The following NIPA1 variants were observed in gnomAD, a reference collection of about 807,000 sequenced individuals.
The protein encoded by NIPA1 is magnesium transporter NIPA1.
NIPA1 carries 13 observed loss-of-function variants against 23.9 expected under a neutral mutation model. That is an observed-to-expected ratio of 0.54 (90% CI 0.35 to 0.87). The LOEUF (loss-of-function observed/expected upper bound fraction) is 0.87, where lower values mean the gene tolerates loss of function less well. NIPA1 is among the 40% of genes least tolerant of loss of function. The pLI is 0.01. For missense variants in NIPA1, 362 were observed against 429.7 expected (o/e 0.84, Z 1.39); for synonymous variants, 234 against 202.9 (o/e 1.15, Z -1.30).
chr15:22,811,123 C>A, intron 2 of NIPA1: 1 of 341,274 alleles, frequency 2.9e-6, no homozygotes, highest in Non-Finnish European at 5.5e-6. Flanking sequence ...CCTGCTTACT[C>A]ATGTAGTCGG....
chr15:22,791,959 C>G (rs776750516), intron 1 of NIPA1, among the ~76,000 whole-genome samples: 1 of 151,872 alleles, frequency 6.6e-6, no homozygotes, highest in Non-Finnish European at 1.5e-5. Context: ...CCTTCTTTGC[C>G]ATGCTTTTGG....
rs886802447 is a variant in NIPA1, at chr15:22,824,481, A to AT, written c.*246dup. 1.2e-5 allele frequency: 6 copies of AT among 516,020 alleles called. No individual in the cohort carries two copies. The Admixed American group carries it at 1.3e-4, about 12-fold the overall frequency. The allele number at this position is 516,020 out of a possible 1,614,324, so 32.0% of individuals were successfully genotyped here. ...ATCTCTCTCTGATGAGACGAATCTC[A>AT]TTTTCATTTCCATTAACCTGGAAGC... On this transcript the variant is annotated 3_prime_UTR_variant, in exon 5 of 5. Coordinates refer to ENST00000337435, the MANE Select transcript of NIPA1 (RefSeq NM_144599.5). The surrounding 1 kb of genome is among the most constrained non-coding windows in gnomAD (Gnocchi z 4.1).
At chr15:22,820,234 C>G in intron 3 of NIPA1, 79 bp from the exon 4 acceptor site, 3 of 1,037,220 alleles carry the variant, frequency 2.9e-6, no homozygotes, top group Admixed American at 1.8e-5. Flanking sequence ...AATGGTTTTT[C>G]TAGATAAAAT....
intron 1 of NIPA1, among the ~76,000 whole-genome samples, chr15:22,808,734 A>G (rs545940705): frequency 3.4e-4 from 49 of 145,028 alleles, no homozygotes; most frequent in Middle Eastern, 7.4e-3. Context: ...AAGTGGCATG[A>G]TCATGGCTAA....
intron 1 of NIPA1, among the ~76,000 whole-genome samples, chr15:22,789,191 G>T (rs1180662184): frequency 6.6e-6 from 1 of 151,970 alleles, no homozygotes; most frequent in Non-Finnish European, 1.5e-5. Flanking sequence ...GTTTCATCAT[G>T]TTGGCCAGGA....
At chr15:22,821,417 G>C (rs1440247779) in intron 4 of NIPA1, among the ~76,000 whole-genome samples, 1 of 152,178 alleles carries the variant, frequency 6.6e-6, no homozygotes, top group African/African-American at 2.4e-5. Flanking sequence ...TCAGTTTGCT[G>C]GTTTACATGT....
At chr15:22,822,913 T>TG (rs1895568869) in intron 4 of NIPA1, among the ~76,000 whole-genome samples, 10 of 71,424 alleles carry the variant, frequency 1.4e-4, no homozygotes, top group South Asian at 4.4e-4. Flanking sequence ...AAATGGTTTT[T>TG]TTTTTTTTTT....
intron 1 of NIPA1, among the ~76,000 whole-genome samples, chr15:22,806,528 T>G (rs1895216410): frequency 8.1e-6 from 1 of 124,016 alleles, no homozygotes; most frequent in African/African-American, 5.4e-5. Flanking sequence ...ATCCTCTGCA[T>G]CCTTCAGTGC....
intron 3 of NIPA1, among the ~76,000 whole-genome samples, chr15:22,815,258 G>T (rs1340940317): frequency 7.2e-5 from 11 of 152,154 alleles, no homozygotes; most frequent in Non-Finnish European, 1.6e-4. Flanking sequence ...TATGATACAT[G>T]TATCAAATCA....
intron 3 of NIPA1, chr15:22,814,031 C>T (rs1895367707): frequency 2.2e-6 from 2 of 928,990 alleles, no homozygotes; most frequent in Non-Finnish European, 3.0e-6. Context: ...TTCTCATGCA[C>T]TTTGATGATT....
intron 1 of NIPA1, among the ~76,000 whole-genome samples, chr15:22,806,524 T>C (rs1275205813): frequency 1.4e-5 from 2 of 147,866 alleles, no homozygotes; most frequent in Non-Finnish European, 2.9e-5. Flanking sequence ...CAGCATCCTC[T>C]GCATCCTTCA....
intron 1 of NIPA1, among the ~76,000 whole-genome samples, chr15:22,803,168 G>A (rs1702790556): frequency 6.6e-6 from 1 of 151,824 alleles, no homozygotes; most frequent in South Asian, 2.1e-4. Context: ...TGTTGGCCAG[G>A]CTGGTCTCAA....
chr15:22,806,987 T>TA (rs1895223533), intron 1 of NIPA1, among the ~76,000 whole-genome samples: 1 of 152,050 alleles, frequency 6.6e-6, no homozygotes, highest in Non-Finnish European at 1.5e-5. Flanking sequence ...CTGACTTGCT[T>TA]AATGTCTGTG....
In NIPA1 at chr15:22,786,707, G is replaced by C. The variant is rs1252900673; in HGVS notation, c.51G>C (p.Gly17=). Residue 17 remains glycine (G), a synonymous_variant, in exon 1 of 5, where the codon GGG becomes GGC. Coordinates refer to ENST00000337435, the MANE Select transcript of NIPA1 (RefSeq NM_144599.5). ...CGGCGGCGGCGGCGGCGGCGGCCGGGGAGGGGGCGCGTAGCCCGAGCCCCG... is the reference window on the plus strand; with the variant it reads ...CGGCGGCGGCGGCGGCGGCGGCCGGCGAGGGGGCGCGTAGCCCGAGCCCCG... The part of the protein sequence containing the change: ...AAAAAAAAAA[G]EGARSPSPAA... The C allele has an allele frequency of 8.5e-7, 1 of 1,172,848 alleles. No individual in the cohort carries two copies. The highest frequency in any genetic ancestry group is 3.4e-5 in the Admixed American group (1 of 29,846). 72.7% of individuals were successfully genotyped at this position (1,172,848 alleles called of 1,614,324 possible).
intron 1 of NIPA1, among the ~76,000 whole-genome samples, chr15:22,787,479 G>T (rs1894733529): frequency 6.6e-6 from 1 of 152,246 alleles, no homozygotes. Context: ...TCAGTTTGGA[G>T]AACACGCGCG....
chr15:22,807,353 G>A (rs1895230627), intron 1 of NIPA1, among the ~76,000 whole-genome samples: 1 of 152,132 alleles, frequency 6.6e-6, no homozygotes, highest in Non-Finnish European at 1.5e-5. Context: ...ACTGTAGGAG[G>A]GTCACACAGT....
chr15:22,808,687 T>TTTTTTTTTTTTTTTTC (rs1895261828), intron 1 of NIPA1, among the ~76,000 whole-genome samples: 1 of 150,140 alleles, frequency 6.7e-6, no homozygotes. Context: ...TTCTTTTTTT[T>TTTTTTTTTTTTTTTTC]GAGACAGTGT....
chr15:22,824,350 A>G lies in NIPA1; in HGVS notation c.*111A>G. 1.0e-6 allele frequency: 1 copy of G among 991,918 alleles called. No homozygotes were observed. Among genetic ancestry groups the G allele is most frequent in the East Asian group, 2.4e-5 (1 of 41,778 alleles). The allele number at this position is 991,918 out of a possible 1,614,324, so 61.4% of individuals were successfully genotyped here. A position where few individuals can be genotyped will look rare whatever the true frequency, so the allele number is the denominator to read the frequency against. ...CGATCATGGTGTTAGAATTGACTGG[A>G]TAGTAACAGGTGGTCTGGTGGATAG... is the stretch of plus-strand genomic sequence containing the variant. On this transcript the variant is annotated 3_prime_UTR_variant, in exon 5 of 5. Coordinates refer to ENST00000337435, the MANE Select transcript of NIPA1 (RefSeq NM_144599.5). This position sits in a 1 kb window ranked among gnomAD's most constrained non-coding sequence, Gnocchi z 4.1.
chr15:22,815,087 T>C (rs1895389959), intron 3 of NIPA1, among the ~76,000 whole-genome samples: 1 of 152,202 alleles, frequency 6.6e-6, no homozygotes, highest in Admixed American at 6.5e-5. Context: ...ATGAATATGA[T>C]GTGATTTTTT....
Sources: gnomAD v4.1 joint callset for allele counts (sites outside exome capture counted in the v4.1 genomes callset) on GRCh38, gnomAD v4.1.1 for gene constraint, Gnocchi (gnomAD v3.1) non-coding constraint, MANE v1.5 for transcripts, NCBI Gene and HGNC (gene_info 2026-07-23, HGNC 2026-07-21) for gene names.